Variants in MSI2 observed in about 807,000 individuals in gnomAD.
MSI2 encodes musashi RNA binding protein 2.
In MSI2, 17 loss-of-function variants were observed where a neutral mutation model predicts 45.6. That is an observed-to-expected ratio of 0.37 (90% CI 0.26 to 0.56). The LOEUF is 0.56. Ranked by LOEUF, MSI2 falls within the 20% of genes least tolerant of loss-of-function variation. The pLI is 0.77. For synonymous variants in MSI2, 156 were observed against 158.2 expected (o/e 0.99, Z 0.11); for missense variants, 293 against 444.2 (o/e 0.66, Z 3.06).
At chr17:57,605,903 TGTGGCG>T (rs1394191427) in intron 8 of MSI2, among the ~76,000 whole-genome samples, 1 of 152,226 alleles carries the variant, frequency 6.6e-6, no homozygotes, top group Non-Finnish European at 1.5e-5. Flanking sequence ...CCTCCAGCCT[TGTGGCG>T]GAACCTGAGC....
chr17:57,631,771 G>A (rs1414825222), intron 10 of MSI2: 1 of 1,600,916 alleles, frequency 6.2e-7, no homozygotes, highest in East Asian at 2.2e-5. Context: ...GTTAATTTCT[G>A]TTCTTATTTC....
intron 7 of MSI2, among the ~76,000 whole-genome samples, chr17:57,535,656 A>G (rs1176484227): frequency 6.6e-6 from 1 of 152,228 alleles, no homozygotes; most frequent in Admixed American, 6.5e-5. Context: ...AGCGAGCACC[A>G]TCAGTGGCAG....
At chr17:57,588,969 G>A (rs1272014805) in intron 7 of MSI2, among the ~76,000 whole-genome samples, 1 of 152,218 alleles carries the variant, frequency 6.6e-6, no homozygotes, top group Admixed American at 6.5e-5. Flanking sequence ...GGTGAAGATT[G>A]AGTTACAGAG....
intron 5 of MSI2, among the ~76,000 whole-genome samples, chr17:57,317,072 A>G (rs1339450851): frequency 6.6e-6 from 1 of 152,134 alleles, no homozygotes; most frequent in African/African-American, 2.4e-5. Context: ...TCAATAGTTA[A>G]GATCTGTACA....
chr17:57,579,618 G>A (rs963075284), intron 7 of MSI2, among the ~76,000 whole-genome samples: 2 of 152,196 alleles, frequency 1.3e-5, no homozygotes, highest in African/African-American at 2.4e-5. Context: ...GTAAACGCAA[G>A]GACCCTGAGC....
In MSI2 at chr17:57,330,910, C is replaced by CTT. The variant is rs375960048; in HGVS notation, c.312+68726_312+68727dup. Among the ~76,000 whole-genome samples, 226 of 144,932 alleles carry CTT rather than the reference C, an allele frequency of 1.6e-3. 3 individuals carry two copies. The highest frequency in any genetic ancestry group is 5.2e-3 in the African/African-American group (189 of 36,046). ...TGGCCTTGCCCAAAGAGGTTTTATT[C>CTT]TTTTTTTTTGTGTGTGTGACGGAGT... On this transcript the variant is annotated intron_variant, in intron 5 of 13. Transcript: ENST00000284073.
At chr17:57,372,292 T>C (rs2083432566) in intron 5 of MSI2, among the ~76,000 whole-genome samples, 1 of 152,210 alleles carries the variant, frequency 6.6e-6, no homozygotes, top group African/African-American at 2.4e-5. Context: ...TGTATCTTAT[T>C]TGGTTAACAT....
intron 5 of MSI2, among the ~76,000 whole-genome samples, chr17:57,271,034 A>C (rs1328447823): frequency 6.6e-6 from 1 of 152,038 alleles, no homozygotes; most frequent in African/African-American, 2.4e-5. Context: ...GCTGCCTCTG[A>C]GAGTAAAGTC....
Position 57,529,742 on chromosome 17 carries a change from T to C in MSI2, c.454+18T>C, listed in dbSNP as rs1309245949. Reference sequence around the variant, plus strand: ...GCACAGAGGTAAGATTACCCCAGTGTAAGAGGGTTGCGTTCACCCTCTCCT... The same window carrying C: ...GCACAGAGGTAAGATTACCCCAGTGCAAGAGGGTTGCGTTCACCCTCTCCT... On this transcript the variant is annotated intron_variant, in intron 7 of 13. Transcript: ENST00000284073. This position sits in a 1 kb window ranked among gnomAD's most constrained non-coding sequence, Gnocchi z 5.3. 6.2e-7 allele frequency: 1 copy of C among 1,608,404 alleles called. No homozygotes were observed. Among genetic ancestry groups the C allele is most frequent in the Non-Finnish European group, 8.5e-7 (1 of 1,177,614 alleles).
At chr17:57,674,879 C>T (rs747403970) in intron 11 of MSI2, 93 bp from the exon 12 acceptor site, 3 of 1,549,104 alleles carry the variant, frequency 1.9e-6, no homozygotes, top group Non-Finnish European at 2.6e-6. Context: ...GCATGCCTGG[C>T]TTCTGGCCTC....
intron 7 of MSI2, among the ~76,000 whole-genome samples, chr17:57,563,107 A>C (rs2087624767): frequency 6.6e-6 from 1 of 150,534 alleles, no homozygotes; most frequent in Admixed American, 6.6e-5. Flanking sequence ...CCAAAAAAAA[A>C]AAAAAAAAAA....
At chr17:57,334,975 G>T (rs1326233813) in intron 5 of MSI2, among the ~76,000 whole-genome samples, 2 of 151,694 alleles carry the variant, frequency 1.3e-5, no homozygotes, top group East Asian at 3.9e-4. Flanking sequence ...GTGCCCTGTA[G>T]TTATGATTTG....
At chr17:57,315,322 T>C (rs531137607) in intron 5 of MSI2, among the ~76,000 whole-genome samples, 22 of 151,940 alleles carry the variant, frequency 1.4e-4, no homozygotes, top group Admixed American at 1.0e-3. Flanking sequence ...TTGCCTGTCA[T>C]TGGGGGTGAG....
At chr17:57,372,564 A>G (rs568805105) in intron 5 of MSI2, among the ~76,000 whole-genome samples, 4 of 152,224 alleles carry the variant, frequency 2.6e-5, no homozygotes, top group Non-Finnish European at 4.4e-5. Flanking sequence ...TGGAGGAAAA[A>G]AGTTACAGAT....
chr17:57,641,633 T>A (rs906077762), intron 10 of MSI2, among the ~76,000 whole-genome samples: 2 of 152,180 alleles, frequency 1.3e-5, no homozygotes, highest in Non-Finnish European at 2.9e-5. Flanking sequence ...TGGTGGTAGA[T>A]GAGAGAGTGG....
At chr17:57,670,728 T>A (rs922716194) in intron 11 of MSI2, among the ~76,000 whole-genome samples, 3 of 152,220 alleles carry the variant, frequency 2.0e-5, no homozygotes, top group African/African-American at 7.2e-5. Flanking sequence ...ACCTCCTGAT[T>A]CATATGGCAA....
At chr17:57,651,044 C>T (rs900832491) in intron 10 of MSI2, among the ~76,000 whole-genome samples, 2 of 152,134 alleles carry the variant, frequency 1.3e-5, no homozygotes, top group African/African-American at 4.8e-5. Flanking sequence ...AAGCATCTGC[C>T]TGGATGGCAG....
At chr17:57,350,162 G>T (rs560692045) in intron 5 of MSI2, among the ~76,000 whole-genome samples, 5 of 151,896 alleles carry the variant, frequency 3.3e-5, no homozygotes, top group African/African-American at 1.2e-4. Context: ...GTTAATGACT[G>T]GTTTGTTTTC....
chr17:57,503,952 T>C (rs1301826652), intron 6 of MSI2, among the ~76,000 whole-genome samples: 1 of 152,180 alleles, frequency 6.6e-6, no homozygotes, highest in Non-Finnish European at 1.5e-5. Context: ...GTCACGCTGG[T>C]CTCGAACTCC....
Sources: allele counts gnomAD v4.1 joint callset (sites outside exome capture counted in the v4.1 genomes callset), GRCh38; gene constraint gnomAD v4.1.1; non-coding constraint Gnocchi (gnomAD v3.1); transcripts MANE v1.5; gene names NCBI Gene and HGNC (gene_info 2026-07-23, HGNC 2026-07-21).